The following IQGAP3 variants were observed in gnomAD, a reference collection of about 807,000 sequenced individuals.
IQGAP3 encodes the protein IQ motif containing GTPase activating protein 3, also known as ras GTPase-activating-like protein IQGAP3.
A neutral mutation model predicts 208.2 loss-of-function variants in IQGAP3; 165 were observed. The ratio of observed to expected loss-of-function variants is 0.79; its 90% CI spans 0.70 to 0.90. The LOEUF is 0.90. IQGAP3 is among the 40% of genes least tolerant of loss of function. IQGAP3 has a pLI of 0.00. For synonymous variants in IQGAP3, 703 were observed against 803.6 expected, an observed-to-expected ratio of 0.87 and a Z score of 2.12; for missense variants, 1,811 against 2,043.1, an observed-to-expected ratio of 0.89 and a Z score of 2.19.
intron 4 of IQGAP3, among the ~76,000 whole-genome samples, chr1:156,565,135 G>A (rs552548491): frequency 6.6e-6 from 1 of 152,180 alleles, no homozygotes; most frequent in Admixed American, 6.5e-5. Flanking sequence ...GCCCAATGAA[G>A]CATATATTGC....
rs1354101666 is a variant in IQGAP3 at position 156,529,077 on chromosome 1, G to C, written c.4410C>G (p.Ile1470Met). ...TGTGCCTGTGTCTGTGCTGGTTGCG[G>C]ATGTCCTGGGGTTGGGGAACAGATG... is the stretch of plus-strand genomic sequence containing the variant. Reference protein sequence around the residue: ...QGLVDELAKDIRNQHRHRHRR... With the variant: ...QGLVDELAKDMRNQHRHRHRR... Residue 1470 changes from isoleucine to methionine, a missense_variant, in exon 35 of 38, where the codon ATC (isoleucine) becomes ATG (methionine). By Grantham distance (10) the Ile-to-Met change is conservative (BLOSUM62 1). Transcript: ENST00000361170. The C allele has an allele frequency of 6.2e-7, 1 of 1,614,080 alleles. No individual in the cohort carries two copies. Among genetic ancestry groups the C allele is most frequent in the South Asian group, 1.1e-5 (1 of 91,078 alleles).
intron 4 of IQGAP3, among the ~76,000 whole-genome samples, chr1:156,564,999 C>G (rs1418823554): frequency 6.6e-6 from 1 of 152,132 alleles, no homozygotes; most frequent in Non-Finnish European, 1.5e-5. Flanking sequence ...AAAACAATAA[C>G]AGCAACAACA....
At position 156,530,089 on chromosome 1, in the gene IQGAP3, A is replaced by G. The variant is rs1239786455; in HGVS notation, c.4404+16T>C. 6.4e-7 allele frequency: 1 copy of G among 1,573,654 alleles called. No individual in the cohort carries two copies. The highest frequency in any genetic ancestry group is 1.2e-5 in the South Asian group (1 of 86,468). On this transcript the variant is annotated intron_variant, in intron 34 of 37. Coordinates refer to ENST00000361170, the MANE Select transcript of IQGAP3 (RefSeq NM_178229.5). The stretch of plus-strand genomic sequence containing the variant: ...ACGTACACACAGGCACACGGAGCCC[A>G]GGCCCAGGTTGTTACCTTGGCCAGC...
intron 5 of IQGAP3, among the ~76,000 whole-genome samples, 171 bp downstream of exon 5, chr1:156,564,444 C>G (rs1350273015): frequency 1.3e-5 from 2 of 152,200 alleles, no homozygotes; most frequent in African/African-American, 4.8e-5. Flanking sequence ...AATGTGCCCA[C>G]AGACATGCAC....
chr1:156,532,713 A>G (rs944853817), intron 32 of IQGAP3, among the ~76,000 whole-genome samples: 2 of 152,172 alleles, frequency 1.3e-5, no homozygotes, highest in Non-Finnish European at 2.9e-5. Context: ...GCATTTGGTA[A>G]ACAGCACGAT....
At chr1:156,539,086 C>T in intron 25 of IQGAP3, 53 bp from the exon 26 acceptor site, 2 of 1,503,774 alleles carry the variant, frequency 1.3e-6, no homozygotes, top group Non-Finnish European at 1.8e-6. Flanking sequence ...GTAGGACATA[C>T]CGTTGCTTTT....
chr1:156,539,584 G>A (rs773007013), intron 24 of IQGAP3, 47 bp from the exon 25 acceptor site: 1 of 1,588,584 alleles, frequency 6.3e-7, no homozygotes, highest in East Asian at 2.2e-5. Flanking sequence ...GCACTTCAAG[G>A]ACCAGTGATA....
At chr1:156,562,473 G>T in intron 9 of IQGAP3, 114 bp downstream of exon 9, 1 of 824,698 alleles carries the variant, frequency 1.2e-6, no homozygotes, top group Non-Finnish European at 2.1e-6. Context: ...GGCAAGAGTT[G>T]GCCCAAATGA....
chr1:156,564,895 G>T (rs1339728138), intron 4 of IQGAP3, among the ~76,000 whole-genome samples: 2 of 152,102 alleles, frequency 1.3e-5, no homozygotes, highest in African/African-American at 2.4e-5. Flanking sequence ...ACTAAGCCAA[G>T]GCTCAGCCAC....
intron 7 of IQGAP3, 51 bp downstream of exon 7, chr1:156,563,502 C>T (rs1329271383): frequency 6.7e-7 from 1 of 1,487,804 alleles, no homozygotes; most frequent in South Asian, 1.2e-5. Context: ...GGCTTGGAGC[C>T]CTCCCATACG....
At chr1:156,566,329 C>G in intron 3 of IQGAP3, 61 bp downstream of exon 3, 2 of 1,534,644 alleles carry the variant, frequency 1.3e-6, no homozygotes, top group South Asian at 2.3e-5. Context: ...ACCCTCACAG[C>G]TTTGAGGAGA....
Position 156,540,936 on chromosome 1 carries a change from C to T in IQGAP3, c.2531-20G>A. 1 of 1,605,576 alleles carries T rather than the reference C, an allele frequency of 6.2e-7. No homozygotes were observed. The highest frequency in any genetic ancestry group is 1.3e-5 in the African/African-American group (1 of 74,766). On this transcript the variant is annotated intron_variant, in intron 22 of 37. Coordinates refer to ENST00000361170, the MANE Select transcript of IQGAP3 (RefSeq NM_178229.5). ...CATGCACTGGGAGGAAGGGAGGAGG[C>T]ATCAGGATTAGCCATGCCTCATCAG...
At chr1:156,552,414 C>G (rs963018457) in intron 13 of IQGAP3, among the ~76,000 whole-genome samples, 2 of 152,290 alleles carry the variant, frequency 1.3e-5, no homozygotes, top group South Asian at 4.1e-4. Context: ...TTTATCCCAG[C>G]CAGCTCCTTG....
chr1:156,552,053 C>A lies in IQGAP3; in HGVS notation c.1491G>T (p.Met497Ile), dbSNP rs1480700441. The change falls in exon 14 of 38, where the codon ATG becomes ATT. Residue 497 changes from methionine (M) to isoleucine (I), a missense_variant. Met to Ile is a conservative substitution (Grantham distance 10). Transcript: ENST00000361170. Reference sequence around the variant, plus strand: ...CATTCCAGCTCAGGAAGTCCTCACCCATCCCACGCTCCTGTCGCAATTTCA... The same window carrying A: ...CATTCCAGCTCAGGAAGTCCTCACCAATCCCACGCTCCTGTCGCAATTTCA... Reference protein sequence around the residue: ...ALLKLRQERGMGEDFLSWNDL... With the variant: ...ALLKLRQERGIGEDFLSWNDL... The A allele has an allele frequency of 6.2e-7, 1 of 1,614,082 alleles. No homozygotes were observed. Among genetic ancestry groups the A allele is most frequent in the African/African-American group, 1.3e-5 (1 of 74,930 alleles).
At chr1:156,535,789 C>T (rs1674660484) in intron 27 of IQGAP3, among the ~76,000 whole-genome samples, 2 of 152,188 alleles carry the variant, frequency 1.3e-5, no homozygotes, top group Non-Finnish European at 2.9e-5. Context: ...TGGACTCCAC[C>T]ACCAACCAGA....
At chr1:156,570,673 C>T (rs976299635) in intron 1 of IQGAP3, among the ~76,000 whole-genome samples, 1 of 152,164 alleles carries the variant, frequency 6.6e-6, no homozygotes, top group Non-Finnish European at 1.5e-5. Flanking sequence ...CCATGTCTGG[C>T]TAATTCTTGC....
Position 156,550,111 on chromosome 1 carries a change from A to G in IQGAP3, c.1825+150T>C, listed in dbSNP as rs542903199. On this transcript the variant is annotated intron_variant, in intron 16 of 37. Coordinates refer to ENST00000361170, the MANE Select transcript of IQGAP3 (RefSeq NM_178229.5). ...AGGAAATCCATCCTGCAGTCTGAACAGCAGCCCTCCTGCTCTGACTCTGGC... is the reference window on the plus strand; with the variant it reads ...AGGAAATCCATCCTGCAGTCTGAACGGCAGCCCTCCTGCTCTGACTCTGGC... The G allele has an allele frequency of 9.7e-5, 60 of 618,082 alleles. No individual in the cohort carries two copies. In the African/African-American group the frequency reaches 1.0e-3, roughly 11 times the overall value. 38.3% of individuals were successfully genotyped at this position (618,082 alleles called of 1,614,324 possible).
intron 18 of IQGAP3, 34 bp from the exon 19 acceptor site, chr1:156,548,277 T>C (rs1675365411): frequency 6.2e-7 from 1 of 1,609,168 alleles, no homozygotes; most frequent in East Asian, 2.2e-5. Flanking sequence ...TGTGGTCTTT[T>C]GGGGAGTGGG....
In IQGAP3 at chr1:156,549,632, T is replaced by C. The variant is rs115847893; in HGVS notation, c.1825+629A>G. On this transcript the variant is annotated intron_variant, in intron 16 of 37. Coordinates refer to ENST00000361170, the MANE Select transcript of IQGAP3 (RefSeq NM_178229.5). Reference sequence around the variant, plus strand: ...TAGCCTGGGTGACAGAGTAAGACCCTGTCTTAAAAAAGAAGCACTTTATGC... The same window carrying C: ...TAGCCTGGGTGACAGAGTAAGACCCCGTCTTAAAAAAGAAGCACTTTATGC... 2.8e-3 allele frequency among the ~76,000 whole-genome samples: 421 copies of C among 152,222 alleles called. 5 individuals are homozygous for C. Among genetic ancestry groups the C allele is most frequent in the African/African-American group, 9.7e-3 (403 of 41,528 alleles).
Sources: gnomAD v4.1 joint callset for allele counts (sites outside exome capture counted in the v4.1 genomes callset) on GRCh38, gnomAD v4.1.1 for gene constraint, MANE v1.5 for transcripts, NCBI Gene and HGNC (gene_info 2026-07-23, HGNC 2026-07-21) for gene names.